Variants in SOS2 observed in about 807,000 individuals in gnomAD.
The protein encoded by SOS2 is son of sevenless homolog 2.
Under a neutral mutation model 148.2 loss-of-function variants are expected in SOS2, and 65 were observed. The observed-to-expected ratio is 0.44, with a 90% CI of 0.36 to 0.54. The LOEUF (loss-of-function observed/expected upper bound fraction) is 0.54, where lower values mean the gene tolerates loss of function less well. Among genes scored for constraint, SOS2 ranks in the 20% least tolerant of loss-of-function variants. SOS2 has a pLI of 0.00. For missense variants in SOS2, 1,341 were observed against 1,590.2 expected, an observed-to-expected ratio of 0.84 and a Z score of 2.67; for synonymous variants, 539 against 537.1, an observed-to-expected ratio of 1.00 and a Z score of -0.05.
intron 2 of SOS2, among the ~76,000 whole-genome samples, chr14:50,203,789 C>A (rs1358786044): frequency 6.7e-6 from 1 of 149,578 alleles, no homozygotes; most frequent in Non-Finnish European, 1.5e-5. Flanking sequence ...ACATAGAGAA[C>A]ATTTTTTTTT....
chr14:50,166,564 TA>T (rs1362612894), intron 8 of SOS2, among the ~76,000 whole-genome samples: 6 of 152,166 alleles, frequency 3.9e-5, no homozygotes, highest in Non-Finnish European at 7.4e-5. Context: ...AGCTGAAGAA[TA>T]TATTCCTTGC....
intron 12 of SOS2, 125 bp downstream of exon 12, chr14:50,156,874 C>T (rs1251691971): frequency 2.1e-6 from 1 of 482,704 alleles, no homozygotes; most frequent in East Asian, 3.7e-5. Context: ...AAAATATTCC[C>T]TATATTTGAA....
chr14:50,122,014 C>T (rs1376023879), intron 21 of SOS2, among the ~76,000 whole-genome samples: 1 of 152,160 alleles, frequency 6.6e-6, no homozygotes. Flanking sequence ...CTCTTTCATG[C>T]AAGTAGCCAT....
At chr14:50,162,012 G>A (rs1161325298) in intron 8 of SOS2, among the ~76,000 whole-genome samples, 1 of 151,432 alleles carries the variant, frequency 6.6e-6, no homozygotes, top group African/African-American at 2.4e-5. Context: ...GCCTCCCAAA[G>A]TGCTGGGATT....
At chr14:50,206,486 T>G (rs1300494338) in intron 1 of SOS2, among the ~76,000 whole-genome samples, 1 of 152,190 alleles carries the variant, frequency 6.6e-6, no homozygotes, top group East Asian at 1.9e-4. Context: ...CCTAATACAA[T>G]GTAAATGCTA....
At chr14:50,152,474 C>T (rs1370776700) in intron 13 of SOS2, among the ~76,000 whole-genome samples, 3 of 152,002 alleles carry the variant, frequency 2.0e-5, no homozygotes, top group Non-Finnish European at 4.4e-5. Context: ...GAAATGGCAA[C>T]CTTGCAATGA....
At position 50,199,771 on chromosome 14, in the gene SOS2, A is replaced by G. The variant is rs746938099; in HGVS notation, c.430T>C (p.Leu144=). The G allele has an allele frequency of 1.3e-5, 21 of 1,604,372 alleles. No homozygotes were observed. In the South Asian group the frequency reaches 2.1e-4, roughly 16 times the overall value. The change falls in exon 4 of 23, where the codon TTG becomes CTG. Residue 144 remains leucine, a synonymous_variant. Coordinates refer to ENST00000216373, the MANE Select transcript of SOS2 (RefSeq NM_006939.4). ...LEYISADILK[L]AGNYVFNIRH... is the part of the protein sequence containing the mutation. Reference sequence around the variant, plus strand: ...ATATTAAAAACATAATTACCAGCCAATTTTAAAATATCAGCTGAGATATAC... The same window carrying G: ...ATATTAAAAACATAATTACCAGCCAGTTTTAAAATATCAGCTGAGATATAC...
At chr14:50,189,481 A>T (rs1886050196) in intron 4 of SOS2, among the ~76,000 whole-genome samples, 1 of 152,148 alleles carries the variant, frequency 6.6e-6, no homozygotes, top group South Asian at 2.1e-4. Flanking sequence ...GATAAGAAGA[A>T]TTCAATGTGG....
At chr14:50,140,976 G>A (rs1348457838) in intron 16 of SOS2, among the ~76,000 whole-genome samples, 16 of 151,724 alleles carry the variant, frequency 1.1e-4, no homozygotes, top group Non-Finnish European at 1.6e-4. Context: ...AGGCTGAGGC[G>A]GGCGGATCAT....
intron 1 of SOS2, among the ~76,000 whole-genome samples, chr14:50,210,928 A>C (rs1161222660): frequency 6.6e-6 from 1 of 152,180 alleles, no homozygotes; most frequent in Non-Finnish European, 1.5e-5. Flanking sequence ...ACGATCACAC[A>C]CTGCTACTGG....
chr14:50,211,981 A>T (rs974339347), intron 1 of SOS2, among the ~76,000 whole-genome samples: 2 of 152,252 alleles, frequency 1.3e-5, no homozygotes, highest in African/African-American at 4.8e-5. Flanking sequence ...AAAAAAATGC[A>T]GTAATAATGA....
chr14:50,223,440 C>T (rs775127941), intron 1 of SOS2, among the ~76,000 whole-genome samples: 7 of 151,694 alleles, frequency 4.6e-5, no homozygotes, highest in African/African-American at 7.3e-5. Flanking sequence ...TTTGGGAGGC[C>T]GGGGCGGGCA....
At chr14:50,206,988 C>A (rs1566480096) in intron 1 of SOS2, among the ~76,000 whole-genome samples, 1 of 151,972 alleles carries the variant, frequency 6.6e-6, no homozygotes, top group African/African-American at 2.4e-5. Context: ...AGCCACCATG[C>A]CTGGCCAGAA....
At chr14:50,187,640 C>T (rs1885959850) in intron 5 of SOS2, among the ~76,000 whole-genome samples, 1 of 152,174 alleles carries the variant, frequency 6.6e-6, no homozygotes, top group African/African-American at 2.4e-5. Flanking sequence ...TGAGCCACTG[C>T]ACCCGGTCAA....
intron 8 of SOS2, among the ~76,000 whole-genome samples, chr14:50,172,837 G>A (rs1466773274): frequency 6.6e-6 from 1 of 152,214 alleles, no homozygotes; most frequent in East Asian, 1.9e-4. Context: ...ACCAAAGTGA[G>A]CACGTGAAAG....
At chr14:50,126,997 A>G (rs1883699735) in intron 21 of SOS2, among the ~76,000 whole-genome samples, 1 of 152,090 alleles carries the variant, frequency 6.6e-6, no homozygotes, top group South Asian at 2.1e-4. Context: ...AGTTTCTTCA[A>G]CATATTGTGG....
intron 4 of SOS2, among the ~76,000 whole-genome samples, chr14:50,196,936 C>T (rs1029550690): frequency 1.3e-5 from 2 of 152,088 alleles, no homozygotes; most frequent in Non-Finnish European, 2.9e-5. Context: ...GGCGTGATCT[C>T]GATTCCATGT....
intron 18 of SOS2, among the ~76,000 whole-genome samples, chr14:50,136,480 TC>T (rs1884084176): frequency 6.6e-6 from 1 of 152,176 alleles, no homozygotes; most frequent in Non-Finnish European, 1.5e-5. Context: ...GGACCATATT[TC>T]CTTAGCTCTC....
At chr14:50,216,918 A>C (rs1887054269) in intron 1 of SOS2, among the ~76,000 whole-genome samples, 1 of 152,218 alleles carries the variant, frequency 6.6e-6, no homozygotes. Flanking sequence ...AATCTCAATC[A>C]AAATTCCAGC....
Sources: allele counts gnomAD v4.1 joint callset (sites outside exome capture counted in the v4.1 genomes callset), GRCh38; gene constraint gnomAD v4.1.1; transcripts MANE v1.5; gene names NCBI Gene and HGNC (gene_info 2026-07-23, HGNC 2026-07-21).